The following PICALM variants were observed in gnomAD, a reference collection of about 807,000 sequenced individuals.
The protein encoded by PICALM is phosphatidylinositol binding clathrin assembly protein.
Under a neutral mutation model 80.5 loss-of-function variants are expected in PICALM, and 40 were observed. That is an observed-to-expected ratio of 0.50 (90% CI 0.39 to 0.65). The LOEUF (loss-of-function observed/expected upper bound fraction) is 0.65, where lower values mean the gene tolerates loss of function less well. Among genes scored for constraint, PICALM ranks in the 30% least tolerant of loss-of-function variants. The probability of loss-of-function intolerance (pLI) is 0.00; values close to 1 mark genes in which losing one functional copy is unlikely to be tolerated. For missense variants in PICALM, 676 were observed against 778.9 expected (o/e 0.87, Z 1.57); for synonymous variants, 288 against 260.3 (o/e 1.11, Z -1.02).
rs188054096 is a variant in PICALM, at chr11:86,018,397, G to A, written c.453-3434C>T. Reference sequence around the variant, plus strand: ...ATAATTTAGTATAACTTTTATAAAGGATAATTTGGTGTTTTGTATTAAAAT... The same window carrying A: ...ATAATTTAGTATAACTTTTATAAAGAATAATTTGGTGTTTTGTATTAAAAT... On this transcript the variant is annotated intron_variant, in intron 4 of 19. Transcript: ENST00000393346. 2.2e-3 allele frequency among the ~76,000 whole-genome samples: 338 copies of A among 152,134 alleles called. 1 individual carries two copies. The highest frequency in any genetic ancestry group is 7.6e-3 in the African/African-American group (316 of 41,488).
In PICALM at chr11:85,965,807, G is replaced by GTTTTT. The variant is rs142410273; in HGVS notation, c.1945-6752_1945-6748dup. 1.7e-3 allele frequency among the ~76,000 whole-genome samples: 137 copies of GTTTTT among 79,246 alleles called. 3 individuals are homozygous for GTTTTT. The highest frequency in any genetic ancestry group is 4.0e-3 in the African/African-American group (69 of 17,166). The allele number at this position is 79,246 out of a possible 152,430, so 52.0% of individuals were successfully genotyped here. ...TCACCTTGAATGCATTACCCATTTT[G>GTTTTT]TTTTTTTGTTTTTTTTTTTTTTTTT... On this transcript the variant is annotated intron_variant, in intron 19 of 19. Transcript: ENST00000393346.
At position 85,981,380 on chromosome 11, in the gene PICALM, C is replaced by T. The variant is rs1450678030; in HGVS notation, c.1680-152G>A. 4 of 587,098 alleles carry T rather than the reference C, an allele frequency of 6.8e-6. No individual in the cohort carries two copies. In the African/African-American group the frequency reaches 7.5e-5, roughly 11 times the overall value. 36.4% of individuals were successfully genotyped at this position (587,098 alleles called of 1,614,324 possible). Reference sequence around the variant, plus strand: ...CAGCACTTTGGGAGGCCAAGGTGGACAAATCACTTGAGGTCAGGAGATTGA... The same window carrying T: ...CAGCACTTTGGGAGGCCAAGGTGGATAAATCACTTGAGGTCAGGAGATTGA... On this transcript the variant is annotated intron_variant, in intron 16 of 19. Transcript: ENST00000393346.
intron 13 of PICALM, among the ~76,000 whole-genome samples, chr11:85,986,688 C>T (rs929360065): frequency 6.6e-6 from 1 of 152,160 alleles, no homozygotes; most frequent in Non-Finnish European, 1.5e-5. Flanking sequence ...CCGCGCCCGG[C>T]CCTCGCCAAC....
At chr11:86,003,764 C>A (rs752582714) in intron 8 of PICALM, 12 of 186,926 alleles carry the variant, frequency 6.4e-5, no homozygotes, top group Non-Finnish European at 1.3e-4. Context: ...GCTCGACATA[C>A]TACTGAGCAT....
intron 4 of PICALM, among the ~76,000 whole-genome samples, chr11:86,015,206 C>A (rs955400628): frequency 6.6e-6 from 1 of 152,058 alleles, no homozygotes; most frequent in African/African-American, 2.4e-5. Flanking sequence ...AAAGCATGAG[C>A]CATAAAAGCA....
intron 3 of PICALM, among the ~76,000 whole-genome samples, chr11:86,025,683 T>G (rs1451938534): frequency 2.0e-5 from 3 of 151,812 alleles, no homozygotes; most frequent in African/African-American, 7.3e-5. Flanking sequence ...CTCAGCCTCC[T>G]GAGTAGCTGG....
intron 19 of PICALM, among the ~76,000 whole-genome samples, chr11:85,972,478 C>T (rs980262334): frequency 6.6e-6 from 1 of 152,114 alleles, no homozygotes; most frequent in Non-Finnish European, 1.5e-5. Context: ...TGAAATGTGA[C>T]GGTGAGAGCA....
rs1018353366 is a variant in PICALM, at chr11:85,957,909, G to A, written c.*1137C>T. ...GATCAACAGTGCAGTTTAATTCTTC[G>A]TTTACTAAACTCTTGGCTAGACATT... On this transcript the variant is annotated 3_prime_UTR_variant, in exon 20 of 20. Transcript: ENST00000393346. The A allele has an allele frequency of 9.0e-6, 2 of 223,212 alleles. No homozygotes were observed. The highest frequency in any genetic ancestry group is 5.7e-5 in the Admixed American group (1 of 17,438). The allele number at this position is 223,212 out of a possible 1,614,324, so 13.8% of individuals were successfully genotyped here.
chr11:86,015,211 A>G (rs188815335), intron 4 of PICALM, among the ~76,000 whole-genome samples: 253 of 152,346 alleles, frequency 1.7e-3, no homozygotes, highest in Admixed American at 4.1e-3. Context: ...ATGAGCCATA[A>G]AAGCAAAAGT....
intron 1 of PICALM, among the ~76,000 whole-genome samples, chr11:86,039,217 C>T (rs2095902552): frequency 6.6e-6 from 1 of 151,872 alleles, no homozygotes; most frequent in African/African-American, 2.4e-5. Flanking sequence ...CTAAGATTCC[C>T]ACACTTAAAA....
chr11:85,980,692 G>A (rs939148616), intron 17 of PICALM, among the ~76,000 whole-genome samples: 1 of 152,084 alleles, frequency 6.6e-6, no homozygotes. Context: ...TAAAAAATTT[G>A]AGGTCAGTAA....
chr11:85,960,837 G>T, intron 19 of PICALM: 1 of 718,770 alleles, frequency 1.4e-6, no homozygotes, highest in Non-Finnish European at 2.0e-6. Context: ...GACAGAACAT[G>T]AAAGCAGAAA....
At chr11:86,038,971 G>A (rs760391027) in intron 1 of PICALM, among the ~76,000 whole-genome samples, 9 of 151,840 alleles carry the variant, frequency 5.9e-5, no homozygotes, top group South Asian at 4.2e-4. Context: ...TTAGCTGGAC[G>A]TGGTGACAAC....
intron 17 of PICALM, among the ~76,000 whole-genome samples, chr11:85,977,612 T>C (rs2094321949): frequency 6.6e-6 from 1 of 152,206 alleles, no homozygotes; most frequent in Non-Finnish European, 1.5e-5. Flanking sequence ...CTAAAGTGAA[T>C]AGTTATAAGT....
Position 85,990,304 on chromosome 11 carries a change from A to G in PICALM, c.1354T>C (p.Ser452Pro). Reference sequence around the variant, plus strand: ...GTAGTAAAAGTAGATACATCTGAAGAAATGGAAAGGTGAACATCACCACTA... The same window carrying G: ...GTAGTAAAAGTAGATACATCTGAAGGAATGGAAAGGTGAACATCACCACTA... Reference protein sequence around the residue: ...KSSGDVHLSISSDVSTFTTRT... With the variant: ...KSSGDVHLSIPSDVSTFTTRT... Residue 452 changes from serine to proline, a missense_variant, in exon 13 of 20, where the codon TCT becomes CCT. By Grantham distance (74) the Ser-to-Pro change is moderately conservative. Around this residue, in one of 2 missense-constraint regions of PICALM, gnomAD observed 391 missense variants for 383.6 expected, o/e 1.02. Coordinates refer to ENST00000393346, the MANE Select transcript of PICALM (RefSeq NM_007166.4). The G allele has an allele frequency of 6.2e-7, 1 of 1,607,324 alleles. No homozygotes were observed. Among genetic ancestry groups the G allele is most frequent in the Non-Finnish European group, 8.5e-7 (1 of 1,174,284 alleles).
intron 13 of PICALM, among the ~76,000 whole-genome samples, chr11:85,987,169 G>C (rs2094597535): frequency 6.6e-6 from 1 of 152,126 alleles, no homozygotes; most frequent in African/African-American, 2.4e-5. Flanking sequence ...CACTAAGCAA[G>C]GGCTTTATAA....
intron 19 of PICALM, among the ~76,000 whole-genome samples, chr11:85,970,796 C>G (rs79352254): frequency 6.6e-6 from 1 of 152,154 alleles, no homozygotes; most frequent in Non-Finnish European, 1.5e-5. Flanking sequence ...GAGTGAGACT[C>G]CATTACCCAC....
chr11:86,023,785 T>C (rs554392982), intron 3 of PICALM, among the ~76,000 whole-genome samples: 19 of 152,214 alleles, frequency 1.2e-4, no homozygotes, highest in South Asian at 6.2e-4. Flanking sequence ...CCCCTGAAAA[T>C]AGAGACACTC....
At chr11:85,982,688 A>G (rs1020425487) in intron 14 of PICALM, among the ~76,000 whole-genome samples, 39 of 151,326 alleles carry the variant, frequency 2.6e-4, no homozygotes, top group African/African-American at 9.5e-4. Context: ...CGGCCTCCCA[A>G]AGTGCTGGGA....
Sources: gnomAD v4.1 joint callset for allele counts (sites outside exome capture counted in the v4.1 genomes callset) on GRCh38, gnomAD v4.1.1 for gene constraint, gnomAD v4.1.1 regional missense constraint, MANE v1.5 for transcripts, NCBI Gene and HGNC (gene_info 2026-07-23, HGNC 2026-07-21) for gene names.